The following RPS6KC1 variants were observed in gnomAD, a reference collection of about 807,000 sequenced individuals.
The protein encoded by RPS6KC1 is inactive ribosomal protein S6 kinase delta-1.
Under a neutral mutation model 103.8 loss-of-function variants are expected in RPS6KC1, and 54 were observed. The observed-to-expected ratio is 0.52, with a 90% CI of 0.42 to 0.65. The LOEUF is 0.65. RPS6KC1 is among the 30% of genes least tolerant of loss of function. The pLI is 0.00. For missense variants in RPS6KC1, 1,151 were observed against 1,253.8 expected, an observed-to-expected ratio of 0.92 and a Z score of 1.24; for synonymous variants, 439 against 438.7, an observed-to-expected ratio of 1.00 and a Z score of -0.01.
chr1:213,263,675 G>A (rs2149118645), intron 14 of RPS6KC1, among the ~76,000 whole-genome samples: 2 of 152,246 alleles, frequency 1.3e-5, no homozygotes, highest in African/African-American at 4.8e-5. Context: ...GAAGATAATT[G>A]ACTAGTATTC....
At chr1:213,283,063 G>A in the RPS6KC1 span, among the ~76,000 whole-genome samples, 2 of 152,098 alleles carry the variant, frequency 1.3e-5, no homozygotes, top group African/African-American at 4.8e-5. Context: ...TGAATTCTTG[G>A]TTATACATTC....
chr1:213,099,877 G>T (rs2081856479), intron 3 of RPS6KC1, among the ~76,000 whole-genome samples: 1 of 152,118 alleles, frequency 6.6e-6, no homozygotes, highest in South Asian at 2.1e-4. Context: ...TTTATCCACT[G>T]TTCTATCAAT....
intron 10 of RPS6KC1, among the ~76,000 whole-genome samples, chr1:213,239,590 C>T (rs1019599395): frequency 6.6e-6 from 1 of 151,986 alleles, no homozygotes; most frequent in Non-Finnish European, 1.5e-5. Context: ...TGGTTATTTT[C>T]CTTAAGGTTT....
At chr1:213,625,119 C>T in the RPS6KC1 span, among the ~76,000 whole-genome samples, 1 of 152,068 alleles carries the variant, frequency 6.6e-6, no homozygotes, top group Non-Finnish European at 1.5e-5. Flanking sequence ...AGTAGCCCGC[C>T]TTGGCCTCCC....
chr1:213,053,696 G>A (rs547200031), intron 1 of RPS6KC1, among the ~76,000 whole-genome samples: 14 of 152,208 alleles, frequency 9.2e-5, no homozygotes, highest in African/African-American at 3.1e-4. Flanking sequence ...AAAAGGAGAG[G>A]GTATGAAAAG....
intron 4 of RPS6KC1, among the ~76,000 whole-genome samples, chr1:213,106,093 A>G (rs1010094863): frequency 2.0e-5 from 3 of 152,138 alleles, no homozygotes; most frequent in Non-Finnish European, 4.4e-5. Context: ...AGAGTTTGTG[A>G]AAGATTGGAC....
the RPS6KC1 span, among the ~76,000 whole-genome samples, chr1:213,633,105 C>T: frequency 2.0e-5 from 3 of 152,162 alleles, no homozygotes; most frequent in African/African-American, 7.2e-5. Flanking sequence ...GAGAATGAAA[C>T]CAAGTTGGAA....
the RPS6KC1 span, among the ~76,000 whole-genome samples, chr1:213,830,412 A>G: frequency 6.6e-6 from 1 of 152,080 alleles, no homozygotes. Flanking sequence ...TTTTATTCTG[A>G]TAATATCTGC....
intron 8 of RPS6KC1, among the ~76,000 whole-genome samples, chr1:213,186,083 GATTTGATAAAATCAGGTA>G (rs962629396): frequency 2.3e-4 from 34 of 150,954 alleles, no homozygotes; most frequent in Middle Eastern, 3.4e-3. Flanking sequence ...TATATTACCT[GATTTGATAAAATCAGGTA>G]ATTTGATAAA....
chr1:213,114,515 G>T (rs2083368201), intron 4 of RPS6KC1, among the ~76,000 whole-genome samples: 1 of 151,882 alleles, frequency 6.6e-6, no homozygotes, highest in Non-Finnish European at 1.5e-5. Context: ...GGGACAATTT[G>T]ACTTCCTCTT....
chr1:213,836,468 G>A, the RPS6KC1 span, among the ~76,000 whole-genome samples: 1 of 152,038 alleles, frequency 6.6e-6, no homozygotes, highest in Non-Finnish European at 1.5e-5. Context: ...AGAGCTCATA[G>A]ACTCTTCATC....
At chr1:213,085,023 T>G (rs912648662) in intron 3 of RPS6KC1, among the ~76,000 whole-genome samples, 1 of 152,222 alleles carries the variant, frequency 6.6e-6, no homozygotes, top group Non-Finnish European at 1.5e-5. Flanking sequence ...TACCATACAC[T>G]TGGTGGCGTA....
the RPS6KC1 span, among the ~76,000 whole-genome samples, chr1:213,449,298 C>T: frequency 3.9e-5 from 6 of 152,242 alleles, no homozygotes; most frequent in South Asian, 2.1e-4. Flanking sequence ...TGTTAATCTG[C>T]GAGGGCTGCC....
At chr1:213,756,775 C>T in the RPS6KC1 span, among the ~76,000 whole-genome samples, 1 of 152,020 alleles carries the variant, frequency 6.6e-6, no homozygotes, top group African/African-American at 2.4e-5. Flanking sequence ...CACCACTGCA[C>T]CCAGCTAATT....
intron 8 of RPS6KC1, among the ~76,000 whole-genome samples, chr1:213,215,515 A>G (rs748862425): frequency 2.6e-5 from 4 of 152,180 alleles, no homozygotes; most frequent in Non-Finnish European, 5.9e-5. Context: ...TCAAATTCAG[A>G]AAATACAGAG....
chr1:213,674,431 G>C, the RPS6KC1 span, among the ~76,000 whole-genome samples: 21 of 152,166 alleles, frequency 1.4e-4, no homozygotes, highest in Admixed American at 6.5e-5. Flanking sequence ...AATGGCCTTA[G>C]GATAATGACT....
rs138424811 is a variant in RPS6KC1, at chr1:213,272,636, C to T, written c.*2C>T. Reference sequence around the variant, plus strand: ...GATTGGGCAGAACTGATGAGATGAACGTAATGCAGGGTTATCTTCACACAT... The same window carrying T: ...GATTGGGCAGAACTGATGAGATGAATGTAATGCAGGGTTATCTTCACACAT... On this transcript the variant is annotated 3_prime_UTR_variant, in exon 15 of 15. Coordinates refer to ENST00000366960, the MANE Select transcript of RPS6KC1 (RefSeq NM_012424.6). 1.4e-4 allele frequency: 223 copies of T among 1,599,630 alleles called. No homozygotes were observed. The highest frequency in any genetic ancestry group is 1.7e-4 in the Non-Finnish European group (203 of 1,167,202).
the RPS6KC1 span, among the ~76,000 whole-genome samples, chr1:213,524,399 C>A: frequency 6.6e-6 from 1 of 151,940 alleles, no homozygotes; most frequent in East Asian, 1.9e-4. Flanking sequence ...CGAGAAGGAG[C>A]AGCCAGCCCC....
At chr1:213,856,883 A>C in the RPS6KC1 span, among the ~76,000 whole-genome samples, 1 of 152,186 alleles carries the variant, frequency 6.6e-6, no homozygotes, top group Non-Finnish European at 1.5e-5. Context: ...TTAAGTTCTC[A>C]AAGACTTCAT....
Sources: gnomAD v4.1 joint callset for allele counts (sites outside exome capture counted in the v4.1 genomes callset) on GRCh38, gnomAD v4.1.1 for gene constraint, MANE v1.5 for transcripts, NCBI Gene and HGNC (gene_info 2026-07-23, HGNC 2026-07-21) for gene names.